STX17: variants seen among roughly 807,000 people sequenced by gnomAD.
STX17 encodes the protein syntaxin 17, also known as syntaxin-17.
Under a neutral mutation model 35.9 loss-of-function variants are expected in STX17, and 29 were observed. That is an observed-to-expected ratio of 0.81 (90% confidence interval 0.60 to 1.10). The LOEUF (loss-of-function observed/expected upper bound fraction) is 1.10, where lower values mean the gene tolerates loss of function less well. Among genes scored for constraint, STX17 ranks in the 50% least tolerant of loss-of-function variants. The pLI is 0.00. For synonymous variants in STX17, 92 were observed against 118.3 expected (o/e 0.78, Z 1.44); for missense variants, 312 against 352.3 (o/e 0.89, Z 0.92).
chr9:99,965,727 C>T (rs777670295), intron 6 of STX17, among the ~76,000 whole-genome samples: 77 of 152,188 alleles, frequency 5.1e-4, no homozygotes, highest in Non-Finnish European at 8.8e-4. Context: ...TAAAAGATAC[C>T]TGAAGTTTTA....
chr9:99,958,667 G>A (rs747070783), intron 4 of STX17, among the ~76,000 whole-genome samples: 4 of 152,226 alleles, frequency 2.6e-5, no homozygotes, highest in South Asian at 2.1e-4. Flanking sequence ...TGCCTCCTCC[G>A]AACTGTTTTT....
At chr9:99,923,715 C>T (rs1828934470) in intron 2 of STX17, among the ~76,000 whole-genome samples, 2 of 152,170 alleles carry the variant, frequency 1.3e-5, no homozygotes, top group Admixed American at 1.3e-4. Context: ...GTCACAAGTC[C>T]AGGCCCTTGG....
intron 4 of STX17, among the ~76,000 whole-genome samples, chr9:99,957,749 G>T (rs1317586797): frequency 6.6e-6 from 1 of 150,858 alleles, no homozygotes; most frequent in Non-Finnish European, 1.5e-5. Flanking sequence ...TGCCTCCCAG[G>T]TTCTAGTAAT....
intron 3 of STX17, among the ~76,000 whole-genome samples, chr9:99,942,973 C>T (rs983574198): frequency 4.6e-5 from 7 of 152,126 alleles, no homozygotes; most frequent in Non-Finnish European, 8.8e-5. Flanking sequence ...TCTCCTACTT[C>T]CTTCTTCACA....
intron 1 of STX17, among the ~76,000 whole-genome samples, chr9:99,910,628 A>G (rs1269581742): frequency 6.6e-6 from 1 of 152,226 alleles, no homozygotes; most frequent in East Asian, 1.9e-4. Flanking sequence ...TAATGATCAA[A>G]TCAGGGTATT....
chr9:99,926,927 C>G (rs767780995), intron 2 of STX17, among the ~76,000 whole-genome samples: 1 of 152,238 alleles, frequency 6.6e-6, no homozygotes, highest in East Asian at 1.9e-4. Context: ...GGTTTTTCCA[C>G]TCTGACTTGT....
At chr9:99,955,653 G>GAT (rs1486672500) in intron 4 of STX17, among the ~76,000 whole-genome samples, 1 of 151,934 alleles carries the variant, frequency 6.6e-6, no homozygotes, top group Admixed American at 6.6e-5. Context: ...AGAGTACTTG[G>GAT]ATATATATAA....
chr9:99,922,431 G>A (rs781687440), intron 2 of STX17, among the ~76,000 whole-genome samples: 18 of 152,170 alleles, frequency 1.2e-4, no homozygotes, highest in African/African-American at 3.9e-4. Context: ...CACATAGTAC[G>A]TGCTCAATGG....
intron 2 of STX17, among the ~76,000 whole-genome samples, chr9:99,917,892 G>C (rs899222860): frequency 1.3e-5 from 2 of 152,140 alleles, no homozygotes; most frequent in Non-Finnish European, 2.9e-5. Flanking sequence ...TTTTTGTTTT[G>C]TTTTGCTTTT....
chr9:99,909,245 A>G (rs1231530052), intron 1 of STX17, among the ~76,000 whole-genome samples: 2 of 152,208 alleles, frequency 1.3e-5, no homozygotes, highest in Non-Finnish European at 2.9e-5. Context: ...TTCGTTTATA[A>G]TACAGTTTAT....
At position 99,968,481 on chromosome 9, in the gene STX17, CGGGGGAATGGTAGG is replaced by C; in HGVS notation, c.721_734del (p.Gly241SerfsTer53). The C allele has an allele frequency of 6.2e-7, 1 of 1,601,560 alleles. No homozygotes were observed. The highest frequency in any genetic ancestry group is 8.5e-7 in the Non-Finnish European group (1 of 1,173,396). On this transcript the variant is annotated frameshift_variant, in exon 8 of 8. Coordinates refer to ENST00000259400, the MANE Select transcript of STX17 (RefSeq NM_017919.3). LOFTEE classifies it high-confidence loss of function. ...CTCTGCCTGTGGCAGGTGCACTCAT[CGGGGGAATGGTAGG>C]GGGTCCTATTGGCCTCCTTGCAGGC...
intron 2 of STX17, among the ~76,000 whole-genome samples, chr9:99,924,725 A>G (rs185376041): frequency 6.6e-5 from 10 of 152,114 alleles, no homozygotes; most frequent in African/African-American, 2.4e-4. Flanking sequence ...ATTTTTTTCT[A>G]GCCTTTGCCC....
Position 99,949,993 on chromosome 9 carries a change from A to G in STX17, c.190-1067A>G, listed in dbSNP as rs1486951525. ...CCTATGTGCTAAAGTTTCAAATAAA[A>G]TACTAGCAAATGAATTCAGCATTGT... On this transcript the variant is annotated intron_variant, in intron 3 of 7. Transcript: ENST00000259400. Among the ~76,000 whole-genome samples the G allele has an allele frequency of 7.9e-5, 12 of 151,996 alleles. No homozygotes were observed. The East Asian group carries it at 2.3e-3, about 29-fold the overall frequency.
intron 1 of STX17, among the ~76,000 whole-genome samples, chr9:99,912,429 C>G (rs1828684936): frequency 6.6e-6 from 1 of 151,768 alleles, no homozygotes; most frequent in East Asian, 1.9e-4. Context: ...TGAGAAATGT[C>G]TATTCAGATT....
At chr9:99,923,578 G>A (rs1293917385) in intron 2 of STX17, among the ~76,000 whole-genome samples, 2 of 152,152 alleles carry the variant, frequency 1.3e-5, no homozygotes. Flanking sequence ...CAAGCAATCA[G>A]TTCAACAGAC....
chr9:99,934,046 A>C (rs775732077), intron 3 of STX17, among the ~76,000 whole-genome samples: 3 of 152,210 alleles, frequency 2.0e-5, no homozygotes, highest in Non-Finnish European at 2.9e-5. Context: ...AATGTAAGTC[A>C]GAATATGATT....
chr9:99,922,643 ACCTAAGCC>A (rs1297419243), intron 2 of STX17, among the ~76,000 whole-genome samples: 1 of 152,150 alleles, frequency 6.6e-6, no homozygotes, highest in African/African-American at 2.4e-5. Context: ...TCTTATCAGG[ACCTAAGCC>A]CTGTGGAGAC....
intron 6 of STX17, 133 bp from the exon 7 acceptor site, chr9:99,967,520 G>T: frequency 4.2e-6 from 2 of 476,762 alleles, no homozygotes; most frequent in Non-Finnish European, 7.5e-6. Context: ...CTTATCAGAT[G>T]CTATTAATGA....
chr9:99,936,804 A>C (rs1206425016), intron 3 of STX17, among the ~76,000 whole-genome samples: 1 of 152,072 alleles, frequency 6.6e-6, no homozygotes, highest in Non-Finnish European at 1.5e-5. Context: ...TTTATTTTTT[A>C]AGTGATTTAG....
Sources: gnomAD v4.1 joint callset for allele counts (sites outside exome capture counted in the v4.1 genomes callset) on GRCh38, gnomAD v4.1.1 for gene constraint, MANE v1.5 for transcripts, NCBI Gene and HGNC (gene_info 2026-07-23, HGNC 2026-07-21) for gene names.